The following RGL1 variants were observed in gnomAD, a reference collection of about 807,000 sequenced individuals.
RGL1 encodes ral guanine nucleotide dissociation stimulator like 1.
Under a neutral mutation model 95.2 loss-of-function variants are expected in RGL1, and 24 were observed. The observed-to-expected ratio is 0.25, with a 90% confidence interval of 0.18 to 0.35. RGL1 has a LOEUF of 0.35. RGL1 is among the 10% of genes least tolerant of loss of function. The pLI is 1.00. For synonymous variants in RGL1, 329 were observed against 344.9 expected, an observed-to-expected ratio of 0.95 and a Z score of 0.51; for missense variants, 715 against 936.3, an observed-to-expected ratio of 0.76 and a Z score of 3.08.
intron 1 of RGL1, among the ~76,000 whole-genome samples, chr1:183,684,919 C>T (rs1299543782): frequency 1.3e-5 from 2 of 152,168 alleles, no homozygotes; most frequent in African/African-American, 4.8e-5. Context: ...TGGGCTGCAC[C>T]CACTGTCTAA....
chr1:183,922,570 G>A (rs1372409172), intron 17 of RGL1, among the ~76,000 whole-genome samples: 1 of 152,180 alleles, frequency 6.6e-6, no homozygotes, highest in East Asian at 1.9e-4. Context: ...ATTTTGATGA[G>A]TATTTCTTCT....
intron 1 of RGL1, among the ~76,000 whole-genome samples, chr1:183,690,382 G>T (rs1269150603): frequency 6.6e-6 from 1 of 152,108 alleles, no homozygotes; most frequent in Non-Finnish European, 1.5e-5. Flanking sequence ...ATCACGAATA[G>T]GTAGCATTAT....
intron 16 of RGL1, 97 bp downstream of exon 16, chr1:183,916,798 C>G (rs1009670005): frequency 3.7e-6 from 5 of 1,357,126 alleles, no homozygotes; most frequent in Non-Finnish European, 4.0e-6. Context: ...TATGCACACT[C>G]AATATTAGCA....
In RGL1 at chr1:183,861,611, A is replaced by G. The variant is rs4328043; in HGVS notation, c.348-4385A>G. On this transcript the variant is annotated intron_variant, in intron 3 of 17. Coordinates refer to ENST00000360851, the MANE Select transcript of RGL1 (RefSeq NM_001297671.3). ...TTGTAAATTTTTCTTTTGCCTTGTGATAACAGAGAAAACCATGTCAAAAGT... is the reference window on the plus strand; with the variant it reads ...TTGTAAATTTTTCTTTTGCCTTGTGGTAACAGAGAAAACCATGTCAAAAGT... Among the ~76,000 whole-genome samples, 498 of 152,280 alleles carry G rather than the reference A, an allele frequency of 3.3e-3. 3 individuals are homozygous for G. Among genetic ancestry groups the G allele is most frequent in the African/African-American group, 0.011 (441 of 41,554 alleles).
rs1284091795 is a variant in RGL1 at position 183,888,449 on chromosome 1, T to C, written c.952-25T>C. On this transcript the variant is annotated intron_variant, in intron 7 of 17. Transcript: ENST00000360851. The stretch of plus-strand genomic sequence containing the variant: ...GTAATATTGATAGTTAAATGCCTTT[T>C]ATGTTTTAATCACTCCCCATGCAGG... The C allele has an allele frequency of 5.8e-6, 8 of 1,375,240 alleles. 1 individual carries two copies. The highest frequency in any genetic ancestry group is 4.3e-5 in the African/African-American group (3 of 70,036). The allele number at this position is 1,375,240 out of a possible 1,614,324, so 85.2% of individuals were successfully genotyped here.
chr1:183,784,660 G>A (rs1361431499), intron 2 of RGL1, among the ~76,000 whole-genome samples: 1 of 152,218 alleles, frequency 6.6e-6, no homozygotes, highest in Non-Finnish European at 1.5e-5. Flanking sequence ...TGGAGGGGAG[G>A]ATGCAGATAC....
intron 3 of RGL1, among the ~76,000 whole-genome samples, chr1:183,863,253 T>C (rs1047705112): frequency 2.0e-5 from 3 of 152,242 alleles, no homozygotes; most frequent in African/African-American, 4.8e-5. Context: ...ACTTTCGCCT[T>C]TTCTCAGAGT....
Position 183,922,203 on chromosome 1 carries a change from C to A in RGL1, c.2005-19C>A. The A allele has an allele frequency of 1.2e-6, 2 of 1,602,074 alleles. No individual in the cohort carries two copies. Among genetic ancestry groups the A allele is most frequent in the Non-Finnish European group, 1.7e-6 (2 of 1,169,102 alleles). On this transcript the variant is annotated intron_variant, in intron 16 of 17. Coordinates refer to ENST00000360851, the MANE Select transcript of RGL1 (RefSeq NM_001297671.3). Reference sequence around the variant, plus strand: ...ACGTGAAGCTAAGTACTTTACAAACCTGTTCATTGTCTTTGCAGTTGACGA... The same window carrying A: ...ACGTGAAGCTAAGTACTTTACAAACATGTTCATTGTCTTTGCAGTTGACGA...
intron 13 of RGL1, 23 bp downstream of exon 13, chr1:183,904,994 G>A (rs201056901): frequency 8.6e-5 from 138 of 1,599,112 alleles, no homozygotes; most frequent in Non-Finnish European, 1.0e-4. Flanking sequence ...GTCGTTCATC[G>A]GGGTAGAACT....
At chr1:183,667,733 A>G (rs886951529) in intron 1 of RGL1, among the ~76,000 whole-genome samples, 2 of 152,002 alleles carry the variant, frequency 1.3e-5, no homozygotes, top group African/African-American at 4.8e-5. Flanking sequence ...TTTGCCTTCC[A>G]CACTTTTTCA....
At chr1:183,730,802 A>G (rs766380157) in intron 1 of RGL1, among the ~76,000 whole-genome samples, 3 of 152,122 alleles carry the variant, frequency 2.0e-5, no homozygotes, top group Non-Finnish European at 2.9e-5. Context: ...GACTTAATCA[A>G]TGTACTTATT....
At chr1:183,778,177 G>A (rs191829170) in intron 2 of RGL1, among the ~76,000 whole-genome samples, 12 of 152,312 alleles carry the variant, frequency 7.9e-5, no homozygotes, top group Non-Finnish European at 1.3e-4. Context: ...GTTCTCACAG[G>A]AAGATCTAAG....
intron 1 of RGL1, among the ~76,000 whole-genome samples, chr1:183,666,579 C>A (rs910997636): frequency 3.3e-5 from 5 of 152,052 alleles, no homozygotes; most frequent in African/African-American, 1.2e-4. Flanking sequence ...TCTCGGACTC[C>A]TGAACGCAGG....
intron 14 of RGL1, among the ~76,000 whole-genome samples, chr1:183,911,511 CTGCA>C (rs1668640300): frequency 6.6e-6 from 1 of 152,220 alleles, no homozygotes; most frequent in Non-Finnish European, 1.5e-5. Context: ...ACCAGAGCAG[CTGCA>C]GAACTAGCTC....
intron 1 of RGL1, among the ~76,000 whole-genome samples, chr1:183,638,287 C>T (rs6701432): frequency 0.069 from 10,461 of 152,176 alleles, 630 homozygotes; most frequent in African/African-American, 0.16. Flanking sequence ...ATGTAATTAA[C>T]TGCCAGCCAA....
Position 183,792,091 on chromosome 1 carries a change from C to G in RGL1, c.133-14284C>G, listed in dbSNP as rs142663179. ...TGATATTTTTTCCAAAAGCCTCATA[C>G]CTTCCCATTTTCTCTTTATTTTTAT... is the stretch of plus-strand genomic sequence containing the variant. On this transcript the variant is annotated intron_variant, in intron 2 of 18. Coordinates refer to the RGL1 transcript ENST00000304685. Among the ~76,000 whole-genome samples, 634 of 152,162 alleles carry G rather than the reference C, an allele frequency of 4.2e-3. 5 individuals carry two copies. The highest frequency in any genetic ancestry group is 0.014 in the African/African-American group (593 of 41,556).
chr1:183,839,221 T>C (rs1663869967), intron 2 of RGL1, among the ~76,000 whole-genome samples: 1 of 152,158 alleles, frequency 6.6e-6, no homozygotes, highest in African/African-American at 2.4e-5. Context: ...TTTCTACATA[T>C]TTCCATCTTA....
At chr1:183,827,722 C>G (rs1262542291) in intron 2 of RGL1, among the ~76,000 whole-genome samples, 1 of 152,234 alleles carries the variant, frequency 6.6e-6, no homozygotes, top group Non-Finnish European at 1.5e-5. Flanking sequence ...CTTATTCCCT[C>G]TCTTTCATTA....
chr1:183,805,513 A>G (rs1037516018), intron 1 of RGL1, among the ~76,000 whole-genome samples, 189 bp downstream of exon 1: 2 of 152,064 alleles, frequency 1.3e-5, no homozygotes, highest in African/African-American at 2.4e-5. Flanking sequence ...AACCGTACCT[A>G]CTTTCTCAGC....
Sources: gnomAD v4.1 joint callset for allele counts (sites outside exome capture counted in the v4.1 genomes callset) on GRCh38, gnomAD v4.1.1 for gene constraint, MANE v1.5 for transcripts, NCBI Gene and HGNC (gene_info 2026-07-23, HGNC 2026-07-21) for gene names.